Variants in NOS1AP observed in about 807,000 individuals in gnomAD.
NOS1AP encodes the protein nitric oxide synthase 1 adaptor protein.
NOS1AP carries 21 observed loss-of-function variants against 56.2 expected under a neutral mutation model. The observed-to-expected ratio is 0.37, with a 90% confidence interval of 0.26 to 0.54. The LOEUF (loss-of-function observed/expected upper bound fraction) is 0.54, where lower values mean the gene tolerates loss of function less well. Ranked by LOEUF, NOS1AP falls within the 20% of genes least tolerant of loss-of-function variation. NOS1AP has a pLI of 0.84. For missense variants in NOS1AP, 522 were observed against 657.8 expected, an observed-to-expected ratio of 0.79 and a Z score of 2.26; for synonymous variants, 270 against 274.6, an observed-to-expected ratio of 0.98 and a Z score of 0.17.
chr1:162,336,092 T>G (rs1656931983), intron 5 of NOS1AP, among the ~76,000 whole-genome samples: 1 of 152,222 alleles, frequency 6.6e-6, no homozygotes, highest in African/African-American at 2.4e-5. Context: ...TACCTGCTAT[T>G]CTTCTATACT....
Position 162,149,832 on chromosome 1 carries a change from T to G in NOS1AP, c.106-4573T>G, listed in dbSNP as rs1344120372. ...TGTAATTTATTTTATTTTAAAAAAT[T>G]TATTTTCAATTTTTGTGGGTACATA... On this transcript the variant is annotated intron_variant, in intron 1 of 9. Transcript: ENST00000361897. 2.0e-5 allele frequency among the ~76,000 whole-genome samples: 3 copies of G among 152,338 alleles called. No homozygotes were observed. The East Asian group carries it at 5.8e-4, about 29-fold the overall frequency.
chr1:162,174,229 A>G (rs909277226), intron 2 of NOS1AP, among the ~76,000 whole-genome samples: 8 of 152,132 alleles, frequency 5.3e-5, no homozygotes, highest in African/African-American at 1.9e-4. Context: ...CTATGCAGCC[A>G]TAAAAAATGA....
intron 1 of NOS1AP, among the ~76,000 whole-genome samples, chr1:162,114,499 A>G (rs1283912178): frequency 2.6e-5 from 4 of 152,166 alleles, no homozygotes; most frequent in Non-Finnish European, 5.9e-5. Context: ...ATGGGCCTTA[A>G]TCACATCTGC....
At chr1:162,332,118 A>C (rs1656789654) in intron 4 of NOS1AP, among the ~76,000 whole-genome samples, 1 of 152,196 alleles carries the variant, frequency 6.6e-6, no homozygotes. Context: ...CACTCCGTTG[A>C]GCCTCCCTGG....
chr1:162,207,618 G>A (rs549920686), intron 2 of NOS1AP, among the ~76,000 whole-genome samples: 3 of 152,312 alleles, frequency 2.0e-5, no homozygotes, highest in African/African-American at 7.2e-5. Context: ...GGGAGCAAAT[G>A]TTCATTAAAT....
intron 2 of NOS1AP, among the ~76,000 whole-genome samples, chr1:162,208,059 C>T (rs1439868885): frequency 6.6e-6 from 1 of 152,154 alleles, no homozygotes; most frequent in Non-Finnish European, 1.5e-5. Context: ...CTTCTGCCAG[C>T]TGGCTATGAT....
chr1:162,295,231 GTCCTCA>G, intron 3 of NOS1AP, among the ~76,000 whole-genome samples: 1 of 152,116 alleles, frequency 6.6e-6, no homozygotes, highest in Non-Finnish European at 1.5e-5. Context: ...AACTGAAAAT[GTCCTCA>G]TTTCCTGGCA....
At chr1:162,311,203 C>T (rs1204059421) in intron 4 of NOS1AP, among the ~76,000 whole-genome samples, 1 of 152,156 alleles carries the variant, frequency 6.6e-6, no homozygotes, top group African/African-American at 2.4e-5. Flanking sequence ...TTCCCCACAC[C>T]TCCAAACACA....
intron 2 of NOS1AP, among the ~76,000 whole-genome samples, chr1:162,268,273 G>A (rs936435397): frequency 3.3e-4 from 48 of 147,122 alleles, no homozygotes; most frequent in Non-Finnish European, 4.7e-4. Context: ...AAAAAAAAAA[G>A]ATCTTAAGTC....
intron 4 of NOS1AP, among the ~76,000 whole-genome samples, chr1:162,311,757 A>C: frequency 7.0e-6 from 1 of 142,578 alleles, no homozygotes; most frequent in African/African-American, 2.6e-5. Context: ...AACAGTCACC[A>C]GAGTGTAATA....
rs16859054 is a variant in NOS1AP at position 162,249,990 on chromosome 1, T to C, written c.178-37354T>C. Among the ~76,000 whole-genome samples, 895 of 152,310 alleles carry C rather than the reference T, an allele frequency of 5.9e-3. 64 individuals are homozygous for C. In the East Asian group the frequency reaches 0.14, roughly 24 times the overall value. Reference sequence around the variant, plus strand: ...CCTATGTCACAAACTGCTAAATGACTAGTCCAGCCCTGGAATGTGAACCCA... The same window carrying C: ...CCTATGTCACAAACTGCTAAATGACCAGTCCAGCCCTGGAATGTGAACCCA... On this transcript the variant is annotated intron_variant, in intron 2 of 9. Coordinates refer to ENST00000361897, the MANE Select transcript of NOS1AP (RefSeq NM_014697.3).
intron 2 of NOS1AP, among the ~76,000 whole-genome samples, chr1:162,192,212 T>G (rs1432456964): frequency 6.6e-6 from 1 of 152,148 alleles, no homozygotes; most frequent in Non-Finnish European, 1.5e-5. Flanking sequence ...CTCCAGGTGA[T>G]TCTGATGTGT....
At chr1:162,232,426 C>A (rs934012559) in intron 2 of NOS1AP, among the ~76,000 whole-genome samples, 15 of 152,204 alleles carry the variant, frequency 9.9e-5, no homozygotes, top group Non-Finnish European at 1.9e-4. Context: ...TTTATTTTGC[C>A]ACTTTTATGT....
intron 1 of NOS1AP, among the ~76,000 whole-genome samples, chr1:162,139,404 T>G (rs1277846127): frequency 1.3e-5 from 2 of 152,186 alleles, no homozygotes; most frequent in African/African-American, 4.8e-5. Context: ...TATCAGGGGC[T>G]TACAGATAGC....
At chr1:162,284,446 C>T (rs1655031559) in intron 2 of NOS1AP, among the ~76,000 whole-genome samples, 1 of 152,184 alleles carries the variant, frequency 6.6e-6, no homozygotes, top group Non-Finnish European at 1.5e-5. Context: ...CGTGATGGAA[C>T]CTGGAGGCCT....
chr1:162,348,583 T>C (rs1483072663), intron 6 of NOS1AP, among the ~76,000 whole-genome samples: 1 of 152,192 alleles, frequency 6.6e-6, no homozygotes, highest in Non-Finnish European at 1.5e-5. Context: ...GGAATTGATA[T>C]TCTATGTGAA....
chr1:162,139,825 C>T (rs1202086050), intron 1 of NOS1AP, among the ~76,000 whole-genome samples: 1 of 151,894 alleles, frequency 6.6e-6, no homozygotes, highest in South Asian at 2.1e-4. Flanking sequence ...CCAGAGTTGC[C>T]GTCTTACTTT....
At chr1:162,207,910 GA>G (rs930720856) in intron 2 of NOS1AP, among the ~76,000 whole-genome samples, 2 of 152,176 alleles carry the variant, frequency 1.3e-5, no homozygotes, top group African/African-American at 4.8e-5. Context: ...TTAAAAGCCT[GA>G]AAAAAATAGT....
chr1:162,280,984 G>C (rs1654907109), intron 2 of NOS1AP, among the ~76,000 whole-genome samples: 1 of 152,150 alleles, frequency 6.6e-6, no homozygotes, highest in Non-Finnish European at 1.5e-5. Context: ...CAAGATTCTG[G>C]TTCCATAGGC....
Sources: allele counts gnomAD v4.1 joint callset (sites outside exome capture counted in the v4.1 genomes callset), GRCh38; gene constraint gnomAD v4.1.1; transcripts MANE v1.5; gene names NCBI Gene and HGNC (gene_info 2026-07-23, HGNC 2026-07-21).